GBF1: variants seen among roughly 807,000 people sequenced by gnomAD.
The protein encoded by GBF1 is Golgi-specific brefeldin A-resistance guanine nucleotide exchange factor 1.
A neutral mutation model predicts 210.5 loss-of-function variants in GBF1; 114 were observed. The ratio of observed to expected loss-of-function variants is 0.54; its 90% CI spans 0.47 to 0.63. The LOEUF is 0.63. Ranked by LOEUF, GBF1 falls within the 30% of genes least tolerant of loss-of-function variation. The pLI is 0.00. For missense variants in GBF1, 1,851 were observed against 2,357.7 expected (o/e 0.79, Z 4.45); for synonymous variants, 850 against 889.2 (o/e 0.96, Z 0.78).
In GBF1 at chr10:102,382,625, G is replaced by C; in HGVS notation, c.*289G>C. 1 of 383,432 alleles carries C rather than the reference G, an allele frequency of 2.6e-6. No individual in the cohort carries two copies. Among genetic ancestry groups the C allele is most frequent in the Non-Finnish European group, 4.7e-6 (1 of 213,714 alleles). 23.8% of individuals were successfully genotyped at this position (383,432 alleles called of 1,614,324 possible). Reference sequence around the variant, plus strand: ...GCCCGGCAGCTCTGGGGAGGCATCCGTGTGCCGGCCCTGCAGTGCCTGCCC... The same window carrying C: ...GCCCGGCAGCTCTGGGGAGGCATCCCTGTGCCGGCCCTGCAGTGCCTGCCC... On this transcript the variant is annotated 3_prime_UTR_variant, in exon 40 of 40. Coordinates refer to ENST00000369983, the MANE Select transcript of GBF1 (RefSeq NM_001377137.1).
rs568056757 is a variant in GBF1 at position 102,334,811 on chromosome 10, T to G, written c.164-9240T>G. ...TTACAGTGAGCCAAAATTGCACCAT[T>G]GCACTCCAGGCTGGGTGACAGAGCG... On this transcript the variant is annotated intron_variant, in intron 3 of 39. Coordinates refer to ENST00000369983, the MANE Select transcript of GBF1 (RefSeq NM_001377137.1). Among the ~76,000 whole-genome samples the G allele has an allele frequency of 2.7e-5, 4 of 150,660 alleles. No individual in the cohort carries two copies. The South Asian group carries it at 8.4e-4, about 32-fold the overall frequency.
chr10:102,320,980 G>A (rs2056334642), intron 3 of GBF1, among the ~76,000 whole-genome samples: 1 of 151,802 alleles, frequency 6.6e-6, no homozygotes, highest in Non-Finnish European at 1.5e-5. Context: ...ATTTTTAGTA[G>A]AGATGGGGTT....
At chr10:102,278,640 A>C (rs1057216408) in intron 3 of GBF1, among the ~76,000 whole-genome samples, 1 of 152,218 alleles carries the variant, frequency 6.6e-6, no homozygotes, top group African/African-American at 2.4e-5. Context: ...AGCATTTCAA[A>C]TCTTCTCTTA....
chr10:102,374,257 G>A (rs983577833), intron 29 of GBF1, among the ~76,000 whole-genome samples: 14 of 152,192 alleles, frequency 9.2e-5, no homozygotes, highest in Admixed American at 9.2e-4. Flanking sequence ...GGCTGAGGCA[G>A]GAGAATCACT....
chr10:102,366,583 T>TA lies in GBF1; in HGVS notation c.2433+77_2433+78insA. ...AGGGCTGAAGAATCCAGCTGCTGTC[T>TA]CTTTTTTTTTTTTTTTTTTTTGAGA... On this transcript the variant is annotated intron_variant, in intron 19 of 39. Coordinates refer to ENST00000369983, the MANE Select transcript of GBF1 (RefSeq NM_001377137.1). The surrounding 1 kb of genome is among the most constrained non-coding windows in gnomAD (Gnocchi z 4.0). 7.8e-5 allele frequency: 70 copies of TA among 896,128 alleles called. No individual in the cohort carries two copies. The highest frequency in any genetic ancestry group is 9.9e-5 in the Non-Finnish European group (61 of 617,948). The allele number at this position is 896,128 out of a possible 1,614,324, so 55.5% of individuals were successfully genotyped here.
Position 102,366,411 on chromosome 10 carries a change from G to C in GBF1, c.2338G>C (p.Asp780His), listed in dbSNP as rs1565168478. Residue 780 changes from aspartate to histidine, a missense_variant, in exon 19 of 40, where the codon GAC becomes CAC. Transcript: ENST00000369983. This position sits in a 1 kb window ranked among gnomAD's most constrained non-coding sequence, Gnocchi z 4.0. Reference protein sequence around the residue: ...STFSFQGLRLDEALRLYLEAF... With the variant: ...STFSFQGLRLHEALRLYLEAF... ...CTTCAGTTTTCAGGGTCTGCGACTG[G>C]ACGAAGCCCTCCGCCTCTACCTGGA... 1 of 1,613,986 alleles carries C rather than the reference G, an allele frequency of 6.2e-7. No individual in the cohort carries two copies. Among genetic ancestry groups the C allele is most frequent in the East Asian group, 2.2e-5 (1 of 44,880 alleles).
At chr10:102,335,863 C>T (rs950272438) in intron 3 of GBF1, among the ~76,000 whole-genome samples, 12 of 152,210 alleles carry the variant, frequency 7.9e-5, no homozygotes, top group African/African-American at 2.9e-4. Flanking sequence ...AAAGCTGAAG[C>T]CCTCAGAAAT....
intron 3 of GBF1, among the ~76,000 whole-genome samples, chr10:102,279,900 C>T (rs916867232): frequency 6.6e-6 from 1 of 152,158 alleles, no homozygotes; most frequent in Non-Finnish European, 1.5e-5. Context: ...AAGAGGATTG[C>T]TTGAGCTCAG....
chr10:102,249,766 A>G (rs1386629443), intron 1 of GBF1, among the ~76,000 whole-genome samples: 1 of 148,138 alleles, frequency 6.8e-6, no homozygotes, highest in Non-Finnish European at 1.5e-5. Context: ...ATCTTGGCTC[A>G]CTGCAACCTC....
chr10:102,370,339 T>C, intron 27 of GBF1, 45 bp from the exon 28 acceptor site: 1 of 1,504,634 alleles, frequency 6.6e-7, no homozygotes, highest in African/African-American at 1.4e-5. Flanking sequence ...GGCCAGTGGT[T>C]GGCTTCTTTT....
At chr10:102,263,450 T>C (rs1208542424) in intron 3 of GBF1, among the ~76,000 whole-genome samples, 2 of 152,182 alleles carry the variant, frequency 1.3e-5, no homozygotes, top group Admixed American at 6.5e-5. Flanking sequence ...GCAAAGGGTT[T>C]CTGTTTGCAT....
chr10:102,281,100 G>A (rs2075436259), intron 3 of GBF1, among the ~76,000 whole-genome samples: 1 of 152,136 alleles, frequency 6.6e-6, no homozygotes, highest in Non-Finnish European at 1.5e-5. Flanking sequence ...GTTAGGAAAT[G>A]GACCTAATAA....
At chr10:102,282,479 G>C (rs2075590295) in intron 3 of GBF1, among the ~76,000 whole-genome samples, 1 of 152,152 alleles carries the variant, frequency 6.6e-6, no homozygotes, top group African/African-American at 2.4e-5. Context: ...TACTGAAGAG[G>C]AACAAGAGAC....
chr10:102,368,876 A>G, intron 23 of GBF1, 44 bp downstream of exon 23: 2 of 1,335,670 alleles, frequency 1.5e-6, no homozygotes, highest in Non-Finnish European at 2.2e-6. Context: ...CCAAAGGAGG[A>G]CCTCTCTTTT....
intron 3 of GBF1, among the ~76,000 whole-genome samples, chr10:102,332,535 C>T (rs2057413616): frequency 6.6e-6 from 1 of 152,056 alleles, no homozygotes; most frequent in Non-Finnish European, 1.5e-5. Context: ...AGGTGCGCAC[C>T]ACCATGCCCA....
chr10:102,280,092 C>G (rs1364355285), intron 3 of GBF1, among the ~76,000 whole-genome samples: 1 of 151,618 alleles, frequency 6.6e-6, no homozygotes, highest in Non-Finnish European at 1.5e-5. Context: ...CCACTGCACT[C>G]TAGCCTGGGT....
chr10:102,373,618 TA>T (rs1359901524), intron 29 of GBF1, among the ~76,000 whole-genome samples: 1 of 152,068 alleles, frequency 6.6e-6, no homozygotes, highest in Non-Finnish European at 1.5e-5. Context: ...ATGGCTGAAA[TA>T]AAAAGTAGTG....
At chr10:102,343,308 T>C (rs544399447) in intron 3 of GBF1, among the ~76,000 whole-genome samples, 1 of 152,250 alleles carries the variant, frequency 6.6e-6, no homozygotes, top group Non-Finnish European at 1.5e-5. Context: ...GCAAAGGACA[T>C]AAAGACAGGA....
chr10:102,230,678 C>G, the GBF1 span: 2 of 1,582,562 alleles, frequency 1.3e-6, no homozygotes, highest in Non-Finnish European at 8.6e-7. Flanking sequence ...GAAGAGGCGG[C>G]AGCCGCGGCG....
Sources: allele counts gnomAD v4.1 joint callset (sites outside exome capture counted in the v4.1 genomes callset), GRCh38; gene constraint gnomAD v4.1.1; non-coding constraint Gnocchi (gnomAD v3.1); transcripts MANE v1.5; gene names NCBI Gene and HGNC (gene_info 2026-07-23, HGNC 2026-07-21).